DYNLRB1: variants seen among roughly 807,000 people sequenced by gnomAD.
The protein encoded by DYNLRB1 is ROBL/LC7-like 1.
DYNLRB1 carries 6 observed loss-of-function variants against 13.5 expected under a neutral mutation model. The ratio of observed to expected loss-of-function variants is 0.44; its 90% confidence interval spans 0.24 to 0.88. The LOEUF (loss-of-function observed/expected upper bound fraction) is 0.88. DYNLRB1 is among the 40% of genes least tolerant of loss of function. The pLI is 0.21. For synonymous variants in DYNLRB1, 43 were observed against 45.0 expected (o/e 0.96, Z 0.18); for missense variants, 93 against 127.2 (o/e 0.73, Z 1.29).
At chr20:34,535,033 G>C in intron 3 of DYNLRB1, 1 of 1,356,042 alleles carries the variant, frequency 7.4e-7, no homozygotes, top group Non-Finnish European at 9.5e-7. Context: ...AGACACGTGA[G>C]CATCATGTGT....
In DYNLRB1 at chr20:34,516,712, G is replaced by A. The variant is rs560458079; in HGVS notation, c.3+251G>A. Reference sequence around the variant, plus strand: ...GCGGGAGCCCAGCCTCGGCCAGGAAGAGATGATGGGCGAGGGGTGGGCGGC... The same window carrying A: ...GCGGGAGCCCAGCCTCGGCCAGGAAAAGATGATGGGCGAGGGGTGGGCGGC... On this transcript the variant is annotated intron_variant, in intron 1 of 3. Transcript: ENST00000357156. 9 of 1,531,438 alleles carry A rather than the reference G, an allele frequency of 5.9e-6. No individual in the cohort carries two copies. In the Admixed American group the frequency reaches 1.2e-4, roughly 21 times the overall value. 94.9% of individuals were successfully genotyped at this position (1,531,438 alleles called of 1,614,324 possible).
intron 3 of DYNLRB1, chr20:34,536,239 A>C (rs1006181191): frequency 1.0e-6 from 1 of 985,312 alleles, no homozygotes; most frequent in African/African-American, 1.7e-5. Context: ...TGCTTCCCAC[A>C]AGCATGACCC....
At chr20:34,518,048 A>G (rs975746039) in intron 1 of DYNLRB1, among the ~76,000 whole-genome samples, 4 of 151,840 alleles carry the variant, frequency 2.6e-5, no homozygotes, top group African/African-American at 9.7e-5. Flanking sequence ...TGATGTACTA[A>G]TTTCCGTTCC....
At chr20:34,530,092 C>T in intron 2 of DYNLRB1, 1 of 1,238,148 alleles carries the variant, frequency 8.1e-7, no homozygotes, top group Admixed American at 4.2e-5. Flanking sequence ...AAGGAGACAA[C>T]CCCAGGGGCC....
upstream of DYNLRB1, chr20:34,516,284 A>G (rs1600534613): frequency 9.4e-7 from 1 of 1,059,170 alleles, no homozygotes; most frequent in East Asian, 2.6e-5. Flanking sequence ...CCACAGTGGA[A>G]AGCAGATTTT....
At chr20:34,524,370 T>C (rs549338891) in intron 1 of DYNLRB1, among the ~76,000 whole-genome samples, 1 of 152,356 alleles carries the variant, frequency 6.6e-6, no homozygotes, top group South Asian at 2.1e-4. Context: ...TGTATTCCTA[T>C]TAGTGGATGT....
chr20:34,517,073 G>T (rs889544604), intron 1 of DYNLRB1, among the ~76,000 whole-genome samples: 5 of 152,202 alleles, frequency 3.3e-5, no homozygotes, highest in African/African-American at 4.8e-5. Flanking sequence ...TCTGCTCTTG[G>T]GGATCCCAAA....
chr20:34,526,376 A>G (rs766374959), intron 2 of DYNLRB1, 33 bp downstream of exon 2: 1 of 1,610,690 alleles, frequency 6.2e-7, no homozygotes, highest in East Asian at 2.2e-5. Flanking sequence ...ACCCGCACCC[A>G]GGCAGGCCCA....
chr20:34,528,773 C>T (rs1980462108), intron 2 of DYNLRB1, among the ~76,000 whole-genome samples: 1 of 151,970 alleles, frequency 6.6e-6, no homozygotes, highest in Non-Finnish European at 1.5e-5. Context: ...GGGTTCAAGA[C>T]CAGCCTGGGC....
intron 3 of DYNLRB1, chr20:34,536,042 C>T: frequency 1.0e-6 from 1 of 985,384 alleles, no homozygotes; most frequent in Non-Finnish European, 1.2e-6. Context: ...ACTATAGAGC[C>T]AGTCACAGCA....
intron 2 of DYNLRB1, among the ~76,000 whole-genome samples, chr20:34,528,311 CAAAAAAAAAAAAAA>C (rs59104612): frequency 5.8e-4 from 3 of 5,204 alleles, no homozygotes; most frequent in South Asian, 0.014. Context: ...GACTCCGTCT[CAAAAAAAAAAAAAA>C]AAAAAAAAAA....
intron 3 of DYNLRB1, among the ~76,000 whole-genome samples, chr20:34,536,974 T>C (rs1205219526): frequency 6.6e-6 from 1 of 152,146 alleles, no homozygotes; most frequent in East Asian, 1.9e-4. Context: ...CTCCTGGCCA[T>C]TCAGGTCTCA....
intron 1 of DYNLRB1, among the ~76,000 whole-genome samples, chr20:34,518,260 A>C (rs535110563): frequency 1.3e-5 from 2 of 151,976 alleles, no homozygotes; most frequent in East Asian, 1.9e-4. Flanking sequence ...TTTGGTTACT[A>C]TACCTTTCTG....
intron 1 of DYNLRB1, among the ~76,000 whole-genome samples, chr20:34,525,706 A>C (rs887010278): frequency 6.6e-6 from 1 of 152,210 alleles, no homozygotes; most frequent in Non-Finnish European, 1.5e-5. Context: ...CAGATGCCAT[A>C]TGCAAGAGTA....
intron 1 of DYNLRB1, among the ~76,000 whole-genome samples, chr20:34,521,008 A>G (rs970169608): frequency 6.6e-6 from 1 of 152,040 alleles, no homozygotes. Flanking sequence ...CAGCATTGCT[A>G]TAATTTTTCA....
rs1253300373 is a variant in DYNLRB1 at position 34,528,129 on chromosome 20, G to A, written c.79+1786G>A. ...AGATCGAGACCATCCCGGCTAAAACGGTGAAACCCCGTCTCTACTAAAAAT... is the reference window on the plus strand; with the variant it reads ...AGATCGAGACCATCCCGGCTAAAACAGTGAAACCCCGTCTCTACTAAAAAT... On this transcript the variant is annotated intron_variant, in intron 2 of 3. Transcript: ENST00000357156. Among the ~76,000 whole-genome samples the A allele has an allele frequency of 2.1e-5, 2 of 97,256 alleles. 1 individual carries two copies. Among genetic ancestry groups the A allele is most frequent in the East Asian group, 5.2e-4 (2 of 3,872 alleles). 63.8% of individuals were successfully genotyped at this position (97,256 alleles called of 152,430 possible).
Position 34,523,988 on chromosome 20 carries a change from G to A in DYNLRB1, c.4-2280G>A, listed in dbSNP as rs1037850747. On this transcript the variant is annotated intron_variant, in intron 1 of 3. Transcript: ENST00000357156. ...TTTCCCCTTTCTTTCTGGGTTGATT[G>A]CAGATTGAGCTGTCTTAAATTGTCA... Among the ~76,000 whole-genome samples the A allele has an allele frequency of 3.3e-5, 5 of 152,118 alleles. No homozygotes were observed. In the East Asian group the frequency reaches 7.7e-4, roughly 23 times the overall value.
chr20:34,536,462 C>T (rs2146651782), intron 3 of DYNLRB1: 4 of 985,338 alleles, frequency 4.1e-6, no homozygotes, highest in Non-Finnish European at 4.8e-6. Context: ...AAAGTCGGGC[C>T]GGGATGGAGC....
chr20:34,532,019 G>A (rs1030675317), intron 2 of DYNLRB1, among the ~76,000 whole-genome samples: 2 of 152,218 alleles, frequency 1.3e-5, no homozygotes, highest in African/African-American at 4.8e-5. Flanking sequence ...GGGGCCCAAA[G>A]GTGAGCTAAG....
Sources: allele counts gnomAD v4.1 joint callset (sites outside exome capture counted in the v4.1 genomes callset), GRCh38; gene constraint gnomAD v4.1.1; transcripts MANE v1.5; gene names NCBI Gene and HGNC (gene_info 2026-07-23, HGNC 2026-07-21).